The following PLEKHS1 variants were observed in gnomAD, a reference collection of about 807,000 sequenced individuals.
PLEKHS1 encodes the protein pleckstrin homology domain-containing family S member 1.
A neutral mutation model predicts 51.0 loss-of-function variants in PLEKHS1; 55 were observed. The observed-to-expected ratio is 1.08, with a 90% CI of 0.87 to 1.35. The LOEUF is 1.35. Among genes scored for constraint, PLEKHS1 ranks in the 40% most tolerant of loss-of-function variants. PLEKHS1 has a pLI of 0.00. For missense variants in PLEKHS1, 398 were observed against 423.0 expected (o/e 0.94, Z 0.52); for synonymous variants, 153 against 144.8 (o/e 1.06, Z -0.41).
chr10:113,780,456 C>T, intron 11 of PLEKHS1, 146 bp from the exon 13 acceptor site: 1 of 750,988 alleles, frequency 1.3e-6, no homozygotes, highest in South Asian at 1.7e-5. Flanking sequence ...TAAGTCATCC[C>T]TGTCTATTTC....
Position 113,768,888 on chromosome 10 carries a change from G to T in PLEKHS1, c.433G>T (p.Glu145Ter), listed in dbSNP as rs760722586. 1 of 1,611,756 alleles carries T rather than the reference G, an allele frequency of 6.2e-7. No homozygotes were observed. Among genetic ancestry groups the T allele is most frequent in the Admixed American group, 1.7e-5 (1 of 59,772 alleles). ...TATAAAAGCAACACAGCAGAACACAGAGGTGACTCCATATCACTAATAAAA... is the reference window on the plus strand; with the variant it reads ...TATAAAAGCAACACAGCAGAACACATAGGTGACTCCATATCACTAATAAAA... The change falls in exon 6 of 12, where the codon GAG becomes TAG. Residue 145 changes from glutamate to a stop codon, truncating the protein, a stop_gained and splice_region_variant. Transcript: ENST00000361048. LOFTEE classifies it high-confidence loss of function.
At chr10:113,777,645 A>C in intron 11 of PLEKHS1, 1 of 1,533,138 alleles carries the variant, frequency 6.5e-7, no homozygotes. Flanking sequence ...AAATGAGGTA[A>C]TATGTGTAAC....
At chr10:113,770,632 A>C (rs1376986987) in intron 7 of PLEKHS1, among the ~76,000 whole-genome samples, 1 of 152,144 alleles carries the variant, frequency 6.6e-6, no homozygotes, top group Non-Finnish European at 1.5e-5. Context: ...TAGCTCTCCA[A>C]CTATTTTGAA....
rs141560911 is a variant in PLEKHS1, at chr10:113,766,786, T to C, written c.224+68T>C. ...TAAAGTCAAACAGTAACAAGTTGCA[T>C]GCAAATTGAAATTTACATAATTGAC... On this transcript the variant is annotated intron_variant, in intron 4 of 11. Transcript: ENST00000361048. 897 of 1,240,458 alleles carry C rather than the reference T, an allele frequency of 7.2e-4. 7 individuals are homozygous for C. In the African/African-American group the frequency reaches 0.012, roughly 17 times the overall value. The allele number at this position is 1,240,458 out of a possible 1,614,324, so 76.8% of individuals were successfully genotyped here.
At chr10:113,778,633 C>T (rs1844769387) in intron 11 of PLEKHS1, among the ~76,000 whole-genome samples, 1 of 142,060 alleles carries the variant, frequency 7.0e-6, no homozygotes, top group African/African-American at 2.5e-5. Context: ...AGTACACATT[C>T]GTTCACTTTC....
At chr10:113,755,122 G>A in intron 1 of PLEKHS1, 137 bp from the exon 2 acceptor site, 1 of 870,866 alleles carries the variant, frequency 1.1e-6, no homozygotes. Flanking sequence ...CTAAAGAAAG[G>A]ATGGGAATGG....
intron 5 of PLEKHS1, 24 bp from the exon 6 acceptor site, chr10:113,768,791 C>T: frequency 6.3e-7 from 1 of 1,599,076 alleles, no homozygotes. Flanking sequence ...CACATGCCAA[C>T]TGAAAGTTTA....
chr10:113,755,366 C>T (rs1430174433), intron 2 of PLEKHS1, 61 bp downstream of exon 2: 12 of 1,570,156 alleles, frequency 7.6e-6, no homozygotes, highest in South Asian at 1.2e-5. Flanking sequence ...CCCACGGTTT[C>T]CTTCAAGCTA....
intron 1 of PLEKHS1, among the ~76,000 whole-genome samples, chr10:113,752,564 G>C (rs558862175): frequency 6.6e-6 from 1 of 152,102 alleles, no homozygotes; most frequent in Non-Finnish European, 1.5e-5. Flanking sequence ...ATCTGATGAG[G>C]GTAGTAATAA....
intron 11 of PLEKHS1, among the ~76,000 whole-genome samples, chr10:113,776,636 G>A (rs1214200762): frequency 6.6e-6 from 1 of 152,022 alleles, no homozygotes; most frequent in Non-Finnish European, 1.5e-5. Context: ...TATATTCATT[G>A]TATAATCATT....
chr10:113,761,417 T>G (rs1317437180), intron 2 of PLEKHS1, among the ~76,000 whole-genome samples: 5 of 151,356 alleles, frequency 3.3e-5, no homozygotes, highest in Non-Finnish European at 7.4e-5. Flanking sequence ...TTCATAAATA[T>G]GGAATGTTTT....
chr10:113,775,208 T>G (rs894800764), intron 10 of PLEKHS1, among the ~76,000 whole-genome samples, 173 bp downstream of exon 10: 9 of 152,036 alleles, frequency 5.9e-5, no homozygotes, highest in African/African-American at 2.2e-4. Context: ...GGAGAGGGGA[T>G]GATAGATCTC....
At chr10:113,779,390 G>A (rs1593049504) in intron 11 of PLEKHS1, among the ~76,000 whole-genome samples, 1 of 152,132 alleles carries the variant, frequency 6.6e-6, no homozygotes, top group Non-Finnish European at 1.5e-5. Flanking sequence ...CCAATATAGT[G>A]AAACCCCGTC....
At chr10:113,777,577 C>G (rs1191772208) in intron 11 of PLEKHS1, 1 of 1,550,454 alleles carries the variant, frequency 6.4e-7, no homozygotes, top group Non-Finnish European at 8.7e-7. Context: ...CCAATTTGTG[C>G]CTCAGTTTTC....
rs112877001 is a variant in PLEKHS1 at position 113,771,745 on chromosome 10, C to T, written c.553-225C>T. 6.1e-4 allele frequency among the ~76,000 whole-genome samples: 92 copies of T among 150,054 alleles called. 1 individual carries two copies. The highest frequency in any genetic ancestry group is 1.9e-3 in the African/African-American group (79 of 40,766). Reference sequence around the variant, plus strand: ...ACTTGTTCTGAGTGACTGTTCCAAACGGTAGAGAAAAAAAGCCTGAGTGAT... The same window carrying T: ...ACTTGTTCTGAGTGACTGTTCCAAATGGTAGAGAAAAAAAGCCTGAGTGAT... On this transcript the variant is annotated intron_variant, in intron 7 of 11. Coordinates refer to ENST00000361048, the Ensembl canonical transcript of PLEKHS1.
chr10:113,771,452 T>C (rs1844400099), intron 7 of PLEKHS1, among the ~76,000 whole-genome samples: 1 of 151,784 alleles, frequency 6.6e-6, no homozygotes. Flanking sequence ...GGCGGGTGGA[T>C]CACGAGGTCA....
chr10:113,775,775 G>A lies in PLEKHS1; in HGVS notation c.1000G>A (p.Asp334Asn), dbSNP rs757508627. 18 of 1,611,656 alleles carry A rather than the reference G, an allele frequency of 1.1e-5. No individual in the cohort carries two copies. The highest frequency in any genetic ancestry group is 1.6e-4 in the Middle Eastern group (1 of 6,078). Residue 334 changes from aspartate (D) to asparagine (N), a missense_variant, in exon 11 of 12, where the codon GAT becomes AAT. Transcript: ENST00000361048. Reference sequence around the variant, plus strand: ...ATGTCTTGTTCATAGTAATATCCCCGATGAAAGCCAAGTGGAGAAACTGAA... The same window carrying A: ...ATGTCTTGTTCATAGTAATATCCCCAATGAAAGCCAAGTGGAGAAACTGAA...
intron 11 of PLEKHS1, among the ~76,000 whole-genome samples, chr10:113,779,569 CAAAA>C (rs566568556): frequency 9.0e-6 from 1 of 111,580 alleles, no homozygotes; most frequent in Non-Finnish European, 1.9e-5. Context: ...GACTCTGTCT[CAAAA>C]AAAAAAAAAA....
chr10:113,776,473 A>G (rs1844669184), intron 11 of PLEKHS1, among the ~76,000 whole-genome samples: 1 of 152,212 alleles, frequency 6.6e-6, no homozygotes, highest in Non-Finnish European at 1.5e-5. Context: ...AACACTACAC[A>G]TTAATTGTCT....
Sources: allele counts gnomAD v4.1 joint callset (sites outside exome capture counted in the v4.1 genomes callset), GRCh38; gene constraint gnomAD v4.1.1; transcripts MANE v1.5; gene names NCBI Gene and HGNC (gene_info 2026-07-23, HGNC 2026-07-21).